Variants in CADM2 observed in about 807,000 individuals in gnomAD.
The protein encoded by CADM2 is immunoglobulin superfamily member 4D.
A neutral mutation model predicts 49.8 loss-of-function variants in CADM2; 12 were observed. That is an observed-to-expected ratio of 0.24 (90% CI 0.15 to 0.39). The LOEUF is 0.39. Ranked by LOEUF, CADM2 falls within the 10% of genes least tolerant of loss-of-function variation. The probability of loss-of-function intolerance (pLI) is 1.00; values close to 1 mark genes in which losing one functional copy is unlikely to be tolerated. For missense variants in CADM2, 378 were observed against 492.3 expected, an observed-to-expected ratio of 0.77 and a Z score of 2.20; for synonymous variants, 214 against 175.4, an observed-to-expected ratio of 1.22 and a Z score of -1.74.
At chr3:85,687,282 G>A (rs2066245206) in intron 1 of CADM2, among the ~76,000 whole-genome samples, 1 of 152,062 alleles carries the variant, frequency 6.6e-6, no homozygotes, top group African/African-American at 2.4e-5. Context: ...TTACAGTTAG[G>A]TAGCTTAAAA....
chr3:85,513,621 C>T (rs892898529), intron 1 of CADM2, among the ~76,000 whole-genome samples: 14 of 151,934 alleles, frequency 9.2e-5, no homozygotes, highest in Middle Eastern at 3.4e-3. Flanking sequence ...ATTTTATTGG[C>T]TTTTGTCATT....
chr3:86,044,314 T>C (rs187750829), intron 8 of CADM2, among the ~76,000 whole-genome samples: 83 of 152,320 alleles, frequency 5.4e-4, no homozygotes, highest in Non-Finnish European at 8.5e-4. Flanking sequence ...TCTACTCATC[T>C]GACAAAGGGC....
At chr3:85,259,966 C>A (rs2042978145) in intron 1 of CADM2, among the ~76,000 whole-genome samples, 1 of 152,030 alleles carries the variant, frequency 6.6e-6, no homozygotes, top group East Asian at 1.9e-4. Flanking sequence ...TGAGTCAACT[C>A]TTAAAGCCAC....
At chr3:85,873,823 T>C (rs184796450) in intron 3 of CADM2, among the ~76,000 whole-genome samples, 275 of 152,280 alleles carry the variant, frequency 1.8e-3, no homozygotes, top group African/African-American at 5.8e-3. Flanking sequence ...TTATAATCAG[T>C]AATTTGCTAA....
chr3:85,676,334 C>T (rs2065885297), intron 1 of CADM2, among the ~76,000 whole-genome samples: 1 of 152,178 alleles, frequency 6.6e-6, no homozygotes, highest in South Asian at 2.1e-4. Context: ...TTCCATTTGG[C>T]ATAAAATATC....
chr3:85,865,836 C>A (rs1319846442), intron 3 of CADM2, among the ~76,000 whole-genome samples: 3 of 152,074 alleles, frequency 2.0e-5, no homozygotes, highest in Admixed American at 2.0e-4. Context: ...AAATCATAGA[C>A]ATGGATAAAC....
chr3:85,292,837 G>A (rs575304043), intron 1 of CADM2, among the ~76,000 whole-genome samples: 2 of 152,156 alleles, frequency 1.3e-5, no homozygotes, highest in African/African-American at 4.8e-5. Context: ...AGAGAAAGCA[G>A]GAAAGATCCA....
intron 2 of CADM2, among the ~76,000 whole-genome samples, chr3:85,783,817 A>G (rs1217969255): frequency 6.6e-6 from 1 of 152,180 alleles, no homozygotes; most frequent in African/African-American, 2.4e-5. Context: ...CTTTGCTTAG[A>G]GATATTTGAC....
chr3:85,152,737 C>T (rs1559691466), intron 1 of CADM2, among the ~76,000 whole-genome samples: 1 of 152,056 alleles, frequency 6.6e-6, no homozygotes, highest in Admixed American at 6.5e-5. Context: ...GCGGGTGGAT[C>T]ATGAGGTCAG....
chr3:85,242,058 T>A (rs968553203), intron 1 of CADM2, among the ~76,000 whole-genome samples: 22 of 146,620 alleles, frequency 1.5e-4, no homozygotes, highest in Admixed American at 2.0e-4. Flanking sequence ...AGAGGTTTGA[T>A]TCTGTTGTTT....
chr3:85,966,927 G>A (rs1275174800), intron 8 of CADM2, among the ~76,000 whole-genome samples: 1 of 151,674 alleles, frequency 6.6e-6, no homozygotes, highest in African/African-American at 2.4e-5. Flanking sequence ...TTTAAAAAGA[G>A]TGTTCTGGAG....
chr3:85,071,511 C>T (rs2036743616), intron 1 of CADM2, among the ~76,000 whole-genome samples: 1 of 152,108 alleles, frequency 6.6e-6, no homozygotes, highest in Admixed American at 6.5e-5. Context: ...TATCAGACAC[C>T]TTGTGTTCCA....
chr3:85,367,962 GAA>G, intron 1 of CADM2, among the ~76,000 whole-genome samples: 2 of 151,884 alleles, frequency 1.3e-5, no homozygotes. Context: ...GTAAGAATTG[GAA>G]TAGTATATTC....
intron 1 of CADM2, among the ~76,000 whole-genome samples, chr3:85,718,687 A>T (rs925902495): frequency 6.6e-6 from 1 of 151,978 alleles, no homozygotes; most frequent in African/African-American, 2.4e-5. Flanking sequence ...AGTGAAAAAA[A>T]TTTAATATAA....
chr3:85,208,192 C>T (rs1048712218), intron 1 of CADM2, among the ~76,000 whole-genome samples: 3 of 152,176 alleles, frequency 2.0e-5, no homozygotes, highest in Admixed American at 6.5e-5. Context: ...ATATAACCTA[C>T]ATTTTCCAGG....
At chr3:85,689,658 T>C (rs993976618) in intron 1 of CADM2, among the ~76,000 whole-genome samples, 7 of 152,124 alleles carry the variant, frequency 4.6e-5, no homozygotes, top group Admixed American at 3.3e-4. Context: ...GGTCAGGACA[T>C]GTTCAGAGCT....
At chr3:85,085,356 T>G (rs539056977) in intron 1 of CADM2, among the ~76,000 whole-genome samples, 2 of 152,254 alleles carry the variant, frequency 1.3e-5, no homozygotes, top group East Asian at 3.9e-4. Flanking sequence ...TAACATCCTC[T>G]AGGTTCATAG....
At chr3:85,346,745 T>G (rs1040213159) in intron 1 of CADM2, among the ~76,000 whole-genome samples, 22 of 152,208 alleles carry the variant, frequency 1.4e-4, no homozygotes, top group Non-Finnish European at 2.9e-4. Flanking sequence ...AATTTGTTTT[T>G]CTAACCTTTG....
chr3:85,974,948 GA>G (rs1204528397), intron 8 of CADM2, among the ~76,000 whole-genome samples: 1 of 151,450 alleles, frequency 6.6e-6, no homozygotes, highest in Non-Finnish European at 1.5e-5. Context: ...AAAATTATAA[GA>G]AGATATTTTC....
Sources: gnomAD v4.1 joint callset for allele counts (sites outside exome capture counted in the v4.1 genomes callset) on GRCh38, gnomAD v4.1.1 for gene constraint, MANE v1.5 for transcripts, NCBI Gene and HGNC (gene_info 2026-07-23, HGNC 2026-07-21) for gene names.